Variants in CEP128 observed in about 807,000 individuals in gnomAD.
CEP128 encodes the protein centrosomal protein 128kDa.
Under a neutral mutation model 156.7 loss-of-function variants are expected in CEP128, and 132 were observed. The ratio of observed to expected loss-of-function variants is 0.84; its 90% CI spans 0.73 to 0.97. CEP128 has a LOEUF of 0.97. CEP128 is among the 50% of genes least tolerant of loss of function. CEP128 has a pLI of 0.00. For missense variants in CEP128, 1,252 were observed against 1,281.9 expected (o/e 0.98, Z 0.36); for synonymous variants, 469 against 448.9 (o/e 1.04, Z -0.57).
chr14:80,816,630 G>C (rs1166203274), intron 13 of CEP128, among the ~76,000 whole-genome samples: 1 of 152,146 alleles, frequency 6.6e-6, no homozygotes, highest in South Asian at 2.1e-4. Flanking sequence ...CGTGCTGAGA[G>C]GGAGAGGCCT....
At chr14:80,554,536 T>A (rs1369923622) in intron 21 of CEP128, among the ~76,000 whole-genome samples, 1 of 152,148 alleles carries the variant, frequency 6.6e-6, no homozygotes, top group African/African-American at 2.4e-5. Context: ...TAAAAATAGT[T>A]GATTAAAATT....
At chr14:80,919,027 A>T (rs1222129878) in intron 2 of CEP128, among the ~76,000 whole-genome samples, 2 of 152,194 alleles carry the variant, frequency 1.3e-5, no homozygotes, top group Non-Finnish European at 2.9e-5. Flanking sequence ...AACAAGTCAT[A>T]ATTCTGGAAA....
intron 19 of CEP128, among the ~76,000 whole-genome samples, chr14:80,694,177 T>C (rs1896810336): frequency 6.6e-6 from 1 of 152,168 alleles, no homozygotes; most frequent in South Asian, 2.1e-4. Flanking sequence ...ACACTGGCCA[T>C]TAGAGAAATG....
intron 14 of CEP128, among the ~76,000 whole-genome samples, chr14:80,481,980 C>G (rs1209205825): frequency 6.6e-6 from 1 of 152,110 alleles, no homozygotes; most frequent in Admixed American, 6.6e-5. Context: ...TAAAACCTGA[C>G]CAAAATTCTG....
intron 19 of CEP128, among the ~76,000 whole-genome samples, chr14:80,734,263 A>C (rs1295100516): frequency 1.3e-5 from 2 of 152,194 alleles, no homozygotes; most frequent in Admixed American, 1.3e-4. Context: ...AAAGAATATA[A>C]TAATGAATAC....
chr14:80,929,263 AC>A (rs1223810839), intron 2 of CEP128, among the ~76,000 whole-genome samples: 1 of 152,210 alleles, frequency 6.6e-6, no homozygotes, highest in African/African-American at 2.4e-5. Flanking sequence ...CTTATACACT[AC>A]TGATGGAAAT....
chr14:80,816,995 C>G (rs1339656634), intron 13 of CEP128, among the ~76,000 whole-genome samples: 1 of 147,388 alleles, frequency 6.8e-6, no homozygotes, highest in Non-Finnish European at 1.5e-5. Context: ...AGGTAGCAAT[C>G]AGTGAATTAG....
At chr14:80,788,030 G>A (rs531012086) in intron 14 of CEP128, among the ~76,000 whole-genome samples, 1 of 152,252 alleles carries the variant, frequency 6.6e-6, no homozygotes, top group Non-Finnish European at 1.5e-5. Context: ...GACAGTCACA[G>A]ACCATGTGAG....
At chr14:80,673,671 A>AAAAAG (rs1895944752) in intron 19 of CEP128, among the ~76,000 whole-genome samples, 12 of 145,922 alleles carry the variant, frequency 8.2e-5, no homozygotes, top group South Asian at 2.1e-4. Flanking sequence ...AAAAAAAAAA[A>AAAAAG]TGTACTAAAG....
intron 19 of CEP128, among the ~76,000 whole-genome samples, chr14:80,711,325 G>GTGTGTGTGTCTATATGTC (rs1897397812): frequency 1.3e-5 from 2 of 151,674 alleles, no homozygotes; most frequent in Non-Finnish European, 2.9e-5. Context: ...GTGTGTGTGT[G>GTGTGTGTGTCTATATGTC]TGTGTGTGTC....
At chr14:80,751,683 G>A (rs1169765727) in intron 18 of CEP128, among the ~76,000 whole-genome samples, 4 of 149,876 alleles carry the variant, frequency 2.7e-5, no homozygotes, top group Admixed American at 2.0e-4. Context: ...AGGCTGGAGT[G>A]CAATGGAACA....
At chr14:80,788,601 T>C (rs1239302899) in intron 14 of CEP128, among the ~76,000 whole-genome samples, 1 of 152,108 alleles carries the variant, frequency 6.6e-6, no homozygotes, top group Non-Finnish European at 1.5e-5. Context: ...AGTCACTTAA[T>C]ACTATCCTCT....
intron 19 of CEP128, among the ~76,000 whole-genome samples, chr14:80,628,579 C>G (rs184867559): frequency 2.6e-5 from 4 of 152,130 alleles, no homozygotes; most frequent in Admixed American, 6.5e-5. Flanking sequence ...AAAAAGCGTC[C>G]GCACAACTAC....
At chr14:80,860,741 C>T (rs1444095059) in intron 9 of CEP128, among the ~76,000 whole-genome samples, 4 of 151,926 alleles carry the variant, frequency 2.6e-5, no homozygotes, top group African/African-American at 9.7e-5. Flanking sequence ...AATGGAATTT[C>T]AGAAAACAAA....
At chr14:80,763,150 G>A (rs1358494294) in intron 16 of CEP128, among the ~76,000 whole-genome samples, 1 of 152,126 alleles carries the variant, frequency 6.6e-6, no homozygotes, top group African/African-American at 2.4e-5. Flanking sequence ...TTTGTTTTAT[G>A]AAACAATGTT....
intron 8 of CEP128, among the ~76,000 whole-genome samples, chr14:80,878,643 T>C (rs1203862734): frequency 1.3e-5 from 2 of 152,016 alleles, no homozygotes; most frequent in Non-Finnish European, 2.9e-5. Context: ...CCCTTCCTCG[T>C]TGGAGCCATA....
At chr14:80,664,492 A>T (rs1377762855) in intron 19 of CEP128, among the ~76,000 whole-genome samples, 3 of 49,360 alleles carry the variant, frequency 6.1e-5, no homozygotes, top group African/African-American at 5.3e-4. Flanking sequence ...ATATGAGGGC[A>T]AAAAAAAAAA....
chr14:80,774,637 A>ATGTG (rs151337408), intron 16 of CEP128, among the ~76,000 whole-genome samples: 1 of 150,450 alleles, frequency 6.6e-6, no homozygotes, highest in Non-Finnish European at 1.5e-5. Context: ...GTGTGTGTGT[A>ATGTG]TGTGTGTGTG....
chr14:80,618,606 T>C (rs1893330583), intron 19 of CEP128, among the ~76,000 whole-genome samples: 1 of 152,208 alleles, frequency 6.6e-6, no homozygotes, highest in Non-Finnish European at 1.5e-5. Flanking sequence ...GGGGAAGAGC[T>C]CCATGAAATG....
Sources: allele counts gnomAD v4.1 joint callset (sites outside exome capture counted in the v4.1 genomes callset), GRCh38; gene constraint gnomAD v4.1.1; transcripts MANE v1.5; gene names NCBI Gene and HGNC (gene_info 2026-07-23, HGNC 2026-07-21).